UNC5C: variants seen among roughly 807,000 people sequenced by gnomAD.
UNC5C encodes the protein unc-5 netrin receptor C, also known as netrin receptor UNC5C.
A neutral mutation model predicts 99.8 loss-of-function variants in UNC5C; 47 were observed. That is an observed-to-expected ratio of 0.47 (90% CI 0.37 to 0.60). UNC5C has a LOEUF of 0.60. UNC5C is among the 20% of genes least tolerant of loss of function. The probability of loss-of-function intolerance (pLI) is 0.00; values close to 1 mark genes in which losing one functional copy is unlikely to be tolerated. For synonymous variants in UNC5C, 487 were observed against 452.2 expected, an observed-to-expected ratio of 1.08 and a Z score of -0.98; for missense variants, 1,062 against 1,165.9, an observed-to-expected ratio of 0.91 and a Z score of 1.30.
intron 3 of UNC5C, among the ~76,000 whole-genome samples, chr4:95,296,826 A>G (rs937973233): frequency 1.3e-5 from 2 of 152,200 alleles, no homozygotes; most frequent in African/African-American, 4.8e-5. Flanking sequence ...TGTTCTTTTT[A>G]AACATGATTA....
In UNC5C at chr4:95,475,505, C is replaced by T. The variant is rs1020298850; in HGVS notation, c.124+73229G>A. Among the ~76,000 whole-genome samples, 4 of 152,016 alleles carry T rather than the reference C, an allele frequency of 2.6e-5. No individual in the cohort carries two copies. The East Asian group carries it at 5.8e-4, about 22-fold the overall frequency. ...TGGATCCTCTCTCTTTGCTTCTGTC[C>T]TGTGACAGTCAGGAGAGAAAGACAG... On this transcript the variant is annotated intron_variant, in intron 1 of 15. Transcript: ENST00000453304.
Position 95,169,273 on chromosome 4 carries a change from A to G in UNC5C, c.2757T>C (p.His919=). 2 of 1,614,116 alleles carry G rather than the reference A, an allele frequency of 1.2e-6. No individual in the cohort carries two copies. Among genetic ancestry groups the G allele is most frequent in the Non-Finnish European group, 1.7e-6 (2 of 1,180,034 alleles). ...CTGCTGCTAAGGACACCACCGTTTC[A>G]TGTCTTCCCATTTCTTCCAAGACAG... is the stretch of plus-strand genomic sequence containing the variant. ...LAAVLEEMGR[H]ETVVSLAAEG... The change falls in exon 16 of 16, where the codon CAT becomes CAC. Residue 919 remains histidine (H), a synonymous_variant. Coordinates refer to ENST00000453304, the MANE Select transcript of UNC5C (RefSeq NM_003728.4).
chr4:95,465,556 T>C (rs1747746137), intron 1 of UNC5C, among the ~76,000 whole-genome samples: 1 of 152,264 alleles, frequency 6.6e-6, no homozygotes, highest in Middle Eastern at 3.4e-3. Flanking sequence ...ATAGTCTTTC[T>C]CCCAGTGCCA....
intron 14 of UNC5C, among the ~76,000 whole-genome samples, chr4:95,171,242 T>TATTA (rs1289921853): frequency 6.6e-6 from 1 of 151,832 alleles, no homozygotes; most frequent in African/African-American, 2.4e-5. Context: ...ATTTATTTAT[T>TATTA]ATTATTATAC....
At chr4:95,474,842 C>T (rs1178427978) in intron 1 of UNC5C, among the ~76,000 whole-genome samples, 3 of 152,082 alleles carry the variant, frequency 2.0e-5, no homozygotes, top group African/African-American at 7.2e-5. Context: ...CTGTCTTGTG[C>T]TGTCTTCCAG....
At chr4:95,289,504 C>A (rs913664367) in intron 3 of UNC5C, among the ~76,000 whole-genome samples, 6 of 152,156 alleles carry the variant, frequency 3.9e-5, no homozygotes, top group African/African-American at 1.2e-4. Flanking sequence ...TTTTCAGGTG[C>A]TTTTCAGTTA....
chr4:95,240,182 CTTTTCTACTCCCATTCT>C (rs1207359235), intron 7 of UNC5C, among the ~76,000 whole-genome samples: 1 of 152,174 alleles, frequency 6.6e-6, no homozygotes, highest in African/African-American at 2.4e-5. Context: ...TTCTGGCTAT[CTTTTCTACTCCCATTCT>C]TTTTCTTAAT....
chr4:95,220,280 G>T, intron 7 of UNC5C, 104 bp from the exon 8 acceptor site: 2 of 1,090,586 alleles, frequency 1.8e-6, no homozygotes, highest in South Asian at 1.9e-5. Context: ...CTTTTTTATA[G>T]GTTAATTTCA....
chr4:95,218,653 A>G (rs1336777618), intron 9 of UNC5C, among the ~76,000 whole-genome samples: 1 of 152,256 alleles, frequency 6.6e-6, no homozygotes, highest in East Asian at 1.9e-4. Context: ...TGACAACATT[A>G]GGACTTGTGG....
intron 1 of UNC5C, among the ~76,000 whole-genome samples, chr4:95,351,049 A>G (rs915348397): frequency 3.9e-5 from 6 of 152,162 alleles, no homozygotes; most frequent in African/African-American, 1.4e-4. Context: ...CCAGGCAGAC[A>G]CTGTCAGATT....
At chr4:95,379,816 A>G (rs1349215560) in intron 1 of UNC5C, among the ~76,000 whole-genome samples, 1 of 152,168 alleles carries the variant, frequency 6.6e-6, no homozygotes, top group African/African-American at 2.4e-5. Flanking sequence ...CCGAGAGGGC[A>G]GAGGCGCTAA....
intron 1 of UNC5C, among the ~76,000 whole-genome samples, chr4:95,366,626 T>A (rs1449443176): frequency 6.6e-6 from 1 of 152,226 alleles, no homozygotes; most frequent in African/African-American, 2.4e-5. Flanking sequence ...GTAGGACCTT[T>A]GTCAACATAA....
chr4:95,399,619 C>T (rs1234586540), intron 1 of UNC5C, among the ~76,000 whole-genome samples: 5 of 152,322 alleles, frequency 3.3e-5, no homozygotes, highest in South Asian at 4.1e-4. Context: ...ATTGTTCCTG[C>T]CTCAGGGCCT....
intron 4 of UNC5C, among the ~76,000 whole-genome samples, chr4:95,256,714 A>ATAAATATATATATATATATATATATATG (rs70946602): frequency 7.9e-5 from 10 of 127,166 alleles, no homozygotes; most frequent in South Asian, 2.7e-4. Context: ...ATATATATAT[A>ATAAATATATATATATATATATATATATG]TATATATGAG....
intron 1 of UNC5C, among the ~76,000 whole-genome samples, chr4:95,382,795 T>G (rs1745108554): frequency 6.6e-6 from 1 of 152,216 alleles, no homozygotes; most frequent in Admixed American, 6.5e-5. Flanking sequence ...CTTGGCTGAA[T>G]GTAAAGCCAG....
chr4:95,402,481 A>T (rs1487673090), intron 1 of UNC5C, among the ~76,000 whole-genome samples: 1 of 152,222 alleles, frequency 6.6e-6, no homozygotes, highest in Non-Finnish European at 1.5e-5. Context: ...TGAGGGGAAT[A>T]AAAGTGCATA....
intron 3 of UNC5C, among the ~76,000 whole-genome samples, chr4:95,280,447 G>T (rs770157760): frequency 2.0e-5 from 3 of 152,150 alleles, no homozygotes; most frequent in Admixed American, 6.5e-5. Context: ...CCAGTACTTT[G>T]GGAGGCCAAG....
intron 1 of UNC5C, among the ~76,000 whole-genome samples, chr4:95,360,320 C>T (rs899175620): frequency 2.6e-5 from 4 of 151,974 alleles, no homozygotes; most frequent in Non-Finnish European, 4.4e-5. Context: ...TACTGGTAAT[C>T]TGTAAGTTAA....
intron 7 of UNC5C, among the ~76,000 whole-genome samples, chr4:95,231,961 G>C (rs986484073): frequency 2.6e-5 from 4 of 152,108 alleles, no homozygotes; most frequent in Non-Finnish European, 5.9e-5. Context: ...TACTGCTCCA[G>C]CCTGCTGAGG....
Sources: allele counts gnomAD v4.1 joint callset (sites outside exome capture counted in the v4.1 genomes callset), GRCh38; gene constraint gnomAD v4.1.1; transcripts MANE v1.5; gene names NCBI Gene and HGNC (gene_info 2026-07-23, HGNC 2026-07-21).